TOR1AIP1: variants seen among roughly 807,000 people sequenced by gnomAD.
The protein encoded by TOR1AIP1 is torsin-1A-interacting protein 1.
Under a neutral mutation model 63.3 loss-of-function variants are expected in TOR1AIP1, and 54 were observed. The observed-to-expected ratio is 0.85, with a 90% confidence interval of 0.69 to 1.07. The LOEUF is 1.07. TOR1AIP1 is among the 50% of genes least tolerant of loss of function. The pLI, the probability that TOR1AIP1 is intolerant of heterozygous loss-of-function variation, is 0.00. For synonymous variants in TOR1AIP1, 294 were observed against 273.5 expected, an observed-to-expected ratio of 1.07 and a Z score of -0.74; for missense variants, 736 against 715.0, an observed-to-expected ratio of 1.03 and a Z score of -0.33.
chr1:179,901,197 T>A, intron 4 of TOR1AIP1, 105 bp from the exon 5 acceptor site: 1 of 655,462 alleles, frequency 1.5e-6, no homozygotes, highest in Non-Finnish European at 2.4e-6. Context: ...ATCTGATAAC[T>A]TAAAAGGCTT....
intron 7 of TOR1AIP1, 49 bp downstream of exon 7, chr1:179,907,913 CTTTTTTTTTTTTT>C (rs34218138): frequency 7.6e-5 from 27 of 356,766 alleles, no homozygotes; most frequent in Non-Finnish European, 1.1e-4. Context: ...ATTCTTTTCT[CTTTTTTTTTTTTT>C]TTTTTTTTGA....
Position 179,917,423 on chromosome 1 carries a change from T to C in TOR1AIP1, c.965-29T>C, listed in dbSNP as rs780230797. 18 of 1,573,430 alleles carry C rather than the reference T, an allele frequency of 1.1e-5. No individual in the cohort carries two copies. The African/African-American group carries it at 1.5e-4, about 13-fold the overall frequency. On this transcript the variant is annotated intron_variant, in intron 9 of 9. Coordinates refer to ENST00000606911, the MANE Select transcript of TOR1AIP1 (RefSeq NM_015602.4). ...CCTGAATCTAAGAAAGTGGTATTTA[T>C]ATCTGTCATTTCTTTTTTGTCTGAG...
chr1:179,917,147 A>G (rs1412147017), intron 9 of TOR1AIP1, among the ~76,000 whole-genome samples: 1 of 152,222 alleles, frequency 6.6e-6, no homozygotes, highest in Non-Finnish European at 1.5e-5. Context: ...ACTTCGCTTT[A>G]TAAACTATTA....
chr1:179,902,019 CTTTTTT>C, intron 5 of TOR1AIP1, among the ~76,000 whole-genome samples: 1 of 98,790 alleles, frequency 1.0e-5, no homozygotes, highest in South Asian at 3.5e-4. Context: ...AATTCCAATT[CTTTTTT>C]TTTTTTTTTT....
At chr1:179,904,173 T>C (rs2148478252) in intron 6 of TOR1AIP1, 151 bp downstream of exon 6, 1 of 577,710 alleles carries the variant, frequency 1.7e-6, no homozygotes, top group African/African-American at 1.9e-5. Context: ...TCTCTACCAC[T>C]TGACCTTGCT....
At chr1:179,914,201 A>C in intron 9 of TOR1AIP1, 147 bp downstream of exon 9, 1 of 700,708 alleles carries the variant, frequency 1.4e-6, no homozygotes, top group East Asian at 2.8e-5. Context: ...TATATATTCT[A>C]CTAGCAGTGA....
At chr1:179,914,771 CA>C (rs1026583662) in intron 9 of TOR1AIP1, among the ~76,000 whole-genome samples, 9 of 142,698 alleles carry the variant, frequency 6.3e-5, no homozygotes, top group Non-Finnish European at 9.0e-5. Flanking sequence ...TCCAGCCTGG[CA>C]ACAGAGCGAG....
intron 4 of TOR1AIP1, chr1:179,900,396 A>G: frequency 3.3e-6 from 1 of 305,212 alleles, no homozygotes; most frequent in Non-Finnish European, 6.3e-6. Context: ...TTTGGCTTCA[A>G]TATGGTGACC....
chr1:179,894,917 G>A (rs1202144492), intron 3 of TOR1AIP1, among the ~76,000 whole-genome samples: 1 of 152,178 alleles, frequency 6.6e-6, no homozygotes, highest in Admixed American at 6.5e-5. Context: ...TGGCACCTGG[G>A]CTTTCAAAAT....
intron 3 of TOR1AIP1, among the ~76,000 whole-genome samples, chr1:179,898,367 T>C (rs893495447): frequency 6.6e-6 from 1 of 152,172 alleles, no homozygotes; most frequent in African/African-American, 2.4e-5. Context: ...TATTAAGGAC[T>C]TAGCATTTTA....
chr1:179,917,225 T>G (rs1390733128), intron 9 of TOR1AIP1, among the ~76,000 whole-genome samples: 1 of 152,252 alleles, frequency 6.6e-6, no homozygotes, highest in Non-Finnish European at 1.5e-5. Context: ...TATTTTTATA[T>G]TGAAGAGACA....
At chr1:179,885,982 C>T (rs1193054970) in intron 2 of TOR1AIP1, among the ~76,000 whole-genome samples, 2 of 152,136 alleles carry the variant, frequency 1.3e-5, no homozygotes, top group Admixed American at 6.6e-5. Context: ...CTCAGGTGAT[C>T]CACCCGCCTT....
chr1:179,899,259 AT>A (rs11332159), intron 3 of TOR1AIP1, among the ~76,000 whole-genome samples: 135,607 of 148,350 alleles, frequency 0.91, 62,030 homozygotes, highest in Middle Eastern at 0.96. Flanking sequence ...ACATCTCACT[AT>A]TTTTTTTTTT....
At chr1:179,884,418 T>A (rs905535555) in intron 1 of TOR1AIP1, among the ~76,000 whole-genome samples, 4 of 152,196 alleles carry the variant, frequency 2.6e-5, no homozygotes, top group African/African-American at 9.7e-5. Flanking sequence ...CATTTGTGAC[T>A]CTCTACCCCA....
At chr1:179,889,815 G>A (rs992657486) in intron 3 of TOR1AIP1, among the ~76,000 whole-genome samples, 15 of 152,110 alleles carry the variant, frequency 9.9e-5, no homozygotes, top group African/African-American at 3.6e-4. Flanking sequence ...ACCACGCCTG[G>A]CTGATTTTTG....
At chr1:179,890,688 C>G (rs2148472397) in intron 3 of TOR1AIP1, among the ~76,000 whole-genome samples, 1 of 152,236 alleles carries the variant, frequency 6.6e-6, no homozygotes, top group East Asian at 1.9e-4. Context: ...GCCTCCTCCT[C>G]CTATTGTAGT....
intron 1 of TOR1AIP1, chr1:179,883,802 C>G: frequency 2.5e-6 from 1 of 402,218 alleles, no homozygotes; most frequent in South Asian, 1.8e-5. Context: ...GAATCAGTTT[C>G]CTTAATCTAT....
chr1:179,905,181 C>A (rs1447494856), intron 6 of TOR1AIP1, among the ~76,000 whole-genome samples: 1 of 151,966 alleles, frequency 6.6e-6, no homozygotes, highest in African/African-American at 2.4e-5. Flanking sequence ...CCGAGACCAT[C>A]CTGGCCAACA....
At position 179,908,608 on chromosome 1, in the gene TOR1AIP1, C is replaced by T; in HGVS notation, c.842C>T (p.Ser281Leu). The change falls in exon 8 of 10, where the codon TCA becomes TTA. Residue 281 changes from serine (S) to leucine (L), a missense_variant. Physicochemically the swap from Ser to Leu is moderately radical, Grantham distance 145. Transcript: ENST00000606911. ...TTGATATATGTATTTGCTTCAGGCTCAGGATATCAAAAAACTCCCCAGGAA... is the reference window on the plus strand; with the variant it reads ...TTGATATATGTATTTGCTTCAGGCTTAGGATATCAAAAAACTCCCCAGGAA... ...AHDKQPSVLS[S>L]GYQKTPQEWA... 8 of 1,612,998 alleles carry T rather than the reference C, an allele frequency of 5.0e-6. No homozygotes were observed. The highest frequency in any genetic ancestry group is 6.8e-6 in the Non-Finnish European group (8 of 1,179,214).
Sources: gnomAD v4.1 joint callset for allele counts (sites outside exome capture counted in the v4.1 genomes callset) on GRCh38, gnomAD v4.1.1 for gene constraint, MANE v1.5 for transcripts, NCBI Gene and HGNC (gene_info 2026-07-23, HGNC 2026-07-21) for gene names.